The following REXO2 variants were observed in gnomAD, a reference collection of about 807,000 sequenced individuals.
REXO2 encodes RNA exonuclease 2.
A neutral mutation model predicts 30.9 loss-of-function variants in REXO2; 17 were observed. The observed-to-expected ratio is 0.55, with a 90% CI of 0.38 to 0.82. The LOEUF (loss-of-function observed/expected upper bound fraction) is 0.82. REXO2 is among the 40% of genes least tolerant of loss of function. REXO2 has a pLI of 0.00. For missense variants in REXO2, 253 were observed against 293.2 expected, an observed-to-expected ratio of 0.86 and a Z score of 1.00; for synonymous variants, 105 against 99.6, an observed-to-expected ratio of 1.05 and a Z score of -0.32.
At chr11:114,449,370 T>C (rs201016846) in intron 6 of REXO2, 4 of 152,826 alleles carry the variant, frequency 2.6e-5, no homozygotes, top group Admixed American at 2.6e-4. Context: ...ATGAACTGTT[T>C]ATAAGTATTC....
intron 2 of REXO2, 66 bp from the exon 3 acceptor site, chr11:114,443,790 C>A: frequency 8.4e-7 from 1 of 1,197,334 alleles, no homozygotes; most frequent in Non-Finnish European, 1.2e-6. Flanking sequence ...ACAGCTTAAG[C>A]TTTCCCTCTG....
In REXO2 at chr11:114,449,958, G is replaced by T; in HGVS notation, c.697G>T (p.Glu233Ter). ...GAAAATTATAGAAAATGGGGAAAATGAGAAGACCGTGAGTTGATGCCAGTT... is the reference window on the plus strand; with the variant it reads ...GAAAATTATAGAAAATGGGGAAAATTAGAAGACCGTGAGTTGATGCCAGTT... ...KRKIIENGEN[E>*]KTVS Residue 233 changes from glutamate to a stop codon, truncating the protein, a stop_gained, in exon 7 of 7, where the codon GAG becomes TAG. Coordinates refer to ENST00000265881, the MANE Select transcript of REXO2 (RefSeq NM_015523.4). LOFTEE classifies it high-confidence loss of function. 6.2e-7 allele frequency: 1 copy of T among 1,604,974 alleles called. No homozygotes were observed. Among genetic ancestry groups the T allele is most frequent in the South Asian group, 1.1e-5 (1 of 89,676 alleles).
chr11:114,444,704 A>G, intron 4 of REXO2, 52 bp downstream of exon 4: 1 of 1,172,712 alleles, frequency 8.5e-7, no homozygotes, highest in Non-Finnish European at 1.2e-6. Flanking sequence ...TAGTGGTTCA[A>G]GAGACTGCAG....
At position 114,450,016 on chromosome 11, in the gene REXO2, A is replaced by G; in HGVS notation, c.*41A>G. 1 of 1,547,256 alleles carries G rather than the reference A, an allele frequency of 6.5e-7. No homozygotes were observed. The highest frequency in any genetic ancestry group is 8.7e-7 in the Non-Finnish European group (1 of 1,150,512). Reference sequence around the variant, plus strand: ...TGCCACTACATCGTTATCTGGAGGCAACTTCTGGTGGTTTTTTTTTCTCAC... The same window carrying G: ...TGCCACTACATCGTTATCTGGAGGCGACTTCTGGTGGTTTTTTTTTCTCAC... On this transcript the variant is annotated 3_prime_UTR_variant, in exon 7 of 7. Transcript: ENST00000265881.
intron 2 of REXO2, 174 bp downstream of exon 2, chr11:114,440,913 C>A: frequency 4.4e-6 from 2 of 456,398 alleles, no homozygotes; most frequent in Non-Finnish European, 3.8e-6. Context: ...CATCTCACAG[C>A]CTAGTGAAAA....
chr11:114,442,046 T>A, intron 2 of REXO2: 1 of 440,336 alleles, frequency 2.3e-6, no homozygotes, highest in East Asian at 3.6e-5. Flanking sequence ...ACTGACAGTT[T>A]AATGGACCCG....
At chr11:114,445,931 G>A (rs748761237) in intron 4 of REXO2, 48 bp from the exon 5 acceptor site, 1 of 1,000,582 alleles carries the variant, frequency 1.0e-6, no homozygotes, top group African/African-American at 1.6e-5. Flanking sequence ...ATATCCTGTT[G>A]TATAATACTA....
rs751183005 is a variant in REXO2, at chr11:114,449,838, G to A, written c.585-8G>A. ...ACAGTTCATTCATTGTGGTATGTTTGCTTATAGGGCACTTGATGACATTAG... is the reference window on the plus strand; with the variant it reads ...ACAGTTCATTCATTGTGGTATGTTTACTTATAGGGCACTTGATGACATTAG... On this transcript the variant is annotated splice_region_variant and splice_polypyrimidine_tract_variant and intron_variant, in intron 6 of 6. Transcript: ENST00000265881. The A allele has an allele frequency of 6.2e-7, 1 of 1,603,764 alleles. No individual in the cohort carries two copies. Among genetic ancestry groups the A allele is most frequent in the South Asian group, 1.1e-5 (1 of 89,026 alleles).
chr11:114,448,986 A>C (rs528022878), intron 6 of REXO2: 1 of 152,396 alleles, frequency 6.6e-6, no homozygotes, highest in South Asian at 2.1e-4. Context: ...TAGCCACACA[A>C]ATAATTGTCA....
intron 2 of REXO2, chr11:114,441,931 T>C: frequency 3.3e-6 from 2 of 597,316 alleles, no homozygotes; most frequent in Non-Finnish European, 5.9e-6. Flanking sequence ...TTACTTGGGA[T>C]TTATTGGAGA....
At chr11:114,443,995 C>A in intron 3 of REXO2, 62 bp downstream of exon 3, 1 of 1,110,930 alleles carries the variant, frequency 9.0e-7, no homozygotes, top group Admixed American at 1.9e-5. Context: ...TTTGCTCCCA[C>A]ACCTGAATCC....
At chr11:114,440,610 C>A (rs755821623) in intron 1 of REXO2, 46 bp from the exon 2 acceptor site, 2 of 1,435,728 alleles carry the variant, frequency 1.4e-6, no homozygotes, top group South Asian at 1.2e-5. Context: ...TAAAAGAGGC[C>A]AGAATGATGG....
Position 114,447,874 on chromosome 11 carries a change from T to C in REXO2, c.579T>C (p.Ser193=). 6.2e-7 allele frequency: 1 copy of C among 1,613,724 alleles called. No homozygotes were observed. The highest frequency in any genetic ancestry group is 8.5e-7 in the Non-Finnish European group (1 of 1,179,792). Residue 193 remains serine, a synonymous_variant, in exon 6 of 7, where the codon TCT becomes TCC. Coordinates refer to ENST00000265881, the MANE Select transcript of REXO2 (RefSeq NM_015523.4). ...AATTTGCACCAAAGAAGGCTGCTTCTCATAGGTAAGTTTGAGTTCTACCAA... is the reference window on the plus strand; with the variant it reads ...AATTTGCACCAAAGAAGGCTGCTTCCCATAGGTAAGTTTGAGTTCTACCAA... ...EYEFAPKKAA[S]HRALDDISES... is the part of the protein sequence containing the mutation.
intron 4 of REXO2, 98 bp downstream of exon 4, chr11:114,444,750 C>T: frequency 1.6e-6 from 1 of 631,664 alleles, no homozygotes; most frequent in South Asian, 3.8e-5. Context: ...CCATGTCTTC[C>T]ACTTAACCCT....
At chr11:114,439,931 C>G (rs558359862) in intron 1 of REXO2, 19 of 569,746 alleles carry the variant, frequency 3.3e-5, no homozygotes, top group Middle Eastern at 8.9e-4. Flanking sequence ...ACCCCTCCGC[C>G]CAGATGTGGA....
chr11:114,447,965 C>T (rs1946519639), intron 6 of REXO2, 86 bp downstream of exon 6: 3 of 987,192 alleles, frequency 3.0e-6, no homozygotes, highest in South Asian at 2.9e-5. Context: ...TGTCCCTTAA[C>T]TCTTTTTTCT....
chr11:114,439,732 G>A, intron 1 of REXO2, 57 bp downstream of exon 1: 4 of 1,438,426 alleles, frequency 2.8e-6, no homozygotes, highest in Non-Finnish European at 3.6e-6. Flanking sequence ...TCGTGGAACC[G>A]AGGAGTCGAG....
chr11:114,442,934 T>G (rs1296176639), intron 2 of REXO2, among the ~76,000 whole-genome samples: 1 of 152,194 alleles, frequency 6.6e-6, no homozygotes, highest in Admixed American at 6.5e-5. Context: ...CCAAAGTATG[T>G]GTGTAGTGAA....
chr11:114,443,396 T>C (rs933999148), intron 2 of REXO2, among the ~76,000 whole-genome samples: 4 of 151,920 alleles, frequency 2.6e-5, no homozygotes, highest in South Asian at 2.1e-4. Flanking sequence ...GGGATTACCA[T>C]GCTTGGCCTA....
Sources: gnomAD v4.1 joint callset for allele counts (sites outside exome capture counted in the v4.1 genomes callset) on GRCh38, gnomAD v4.1.1 for gene constraint, MANE v1.5 for transcripts, NCBI Gene and HGNC (gene_info 2026-07-23, HGNC 2026-07-21) for gene names.